Variants in RIT2 observed in about 807,000 individuals in gnomAD.
The protein encoded by RIT2 is Ras like without CAAX 2.
In RIT2, 24 loss-of-function variants were observed where a neutral mutation model predicts 23.7. The observed-to-expected ratio is 1.01, with a 90% CI of 0.73 to 1.43. The LOEUF (loss-of-function observed/expected upper bound fraction) is 1.43. RIT2 is among the 40% of genes most tolerant of loss of function. RIT2 has a pLI of 0.00. For synonymous variants in RIT2, 107 were observed against 91.1 expected (o/e 1.17, Z -0.99); for missense variants, 236 against 266.9 (o/e 0.88, Z 0.81).
intron 4 of RIT2, among the ~76,000 whole-genome samples, chr18:42,840,005 T>A (rs1906719511): frequency 6.6e-6 from 1 of 152,252 alleles, no homozygotes; most frequent in African/African-American, 2.4e-5. Flanking sequence ...TTTTTGTGTC[T>A]GTTTTCAACT....
intron 4 of RIT2, among the ~76,000 whole-genome samples, chr18:42,757,459 T>C (rs1227547341): frequency 6.6e-6 from 1 of 152,162 alleles, no homozygotes; most frequent in East Asian, 1.9e-4. Flanking sequence ...AATCAACCTA[T>C]ATATCTTTTT....
At chr18:42,975,221 C>T (rs1171867479) in intron 2 of RIT2, among the ~76,000 whole-genome samples, 1 of 151,920 alleles carries the variant, frequency 6.6e-6, no homozygotes, top group Non-Finnish European at 1.5e-5. Context: ...GTGATGGTGA[C>T]ATAAAGAGAT....
chr18:43,079,207 T>C (rs543626271), intron 1 of RIT2, among the ~76,000 whole-genome samples: 1 of 152,294 alleles, frequency 6.6e-6, no homozygotes, highest in East Asian at 1.9e-4. Context: ...CAAACTAAAA[T>C]CACAAAGCTT....
chr18:42,886,473 G>C (rs1169589646), intron 4 of RIT2, among the ~76,000 whole-genome samples: 1 of 152,162 alleles, frequency 6.6e-6, no homozygotes, highest in Non-Finnish European at 1.5e-5. Context: ...TTCTGCTATG[G>C]AATAGAGAGA....
intron 1 of RIT2, among the ~76,000 whole-genome samples, chr18:43,050,588 T>C (rs4890422): frequency 0.11 from 16,208 of 152,070 alleles, 931 homozygotes; most frequent in Non-Finnish European, 0.12. Flanking sequence ...CAATGTTGGA[T>C]GTATTGGGCC....
chr18:42,966,359 T>A (rs1910224187), intron 3 of RIT2, among the ~76,000 whole-genome samples: 1 of 152,204 alleles, frequency 6.6e-6, no homozygotes, highest in Non-Finnish European at 1.5e-5. Context: ...CATTCTCTTT[T>A]TCGGCTATTT....
chr18:42,911,073 C>G (rs1908757314), intron 4 of RIT2, among the ~76,000 whole-genome samples: 1 of 151,974 alleles, frequency 6.6e-6, no homozygotes. Flanking sequence ...AAAAAAATCA[C>G]ACAGAGTATG....
chr18:42,860,631 C>T (rs1402350958), intron 4 of RIT2, among the ~76,000 whole-genome samples: 1 of 152,172 alleles, frequency 6.6e-6, no homozygotes, highest in Non-Finnish European at 1.5e-5. Flanking sequence ...AATACCCTCT[C>T]TAGGAGGAGT....
intron 1 of RIT2, among the ~76,000 whole-genome samples, chr18:43,051,462 G>C (rs1297956611): frequency 6.6e-6 from 1 of 152,042 alleles, no homozygotes; most frequent in African/African-American, 2.4e-5. Context: ...CATAGGAATA[G>C]TAACAGGTTG....
At chr18:42,933,823 T>C (rs1402081937) in intron 3 of RIT2, among the ~76,000 whole-genome samples, 1 of 151,656 alleles carries the variant, frequency 6.6e-6, no homozygotes, top group Non-Finnish European at 1.5e-5. Flanking sequence ...TTCGAGACCA[T>C]CCTGGCCAAC....
At chr18:43,024,719 C>G (rs1420143177) in intron 2 of RIT2, among the ~76,000 whole-genome samples, 2 of 151,268 alleles carry the variant, frequency 1.3e-5, no homozygotes, top group Non-Finnish European at 3.0e-5. Context: ...ACAACAACAA[C>G]AACAACAACA....
intron 4 of RIT2, among the ~76,000 whole-genome samples, chr18:42,856,974 AC>A (rs1201785357): frequency 6.6e-6 from 1 of 151,234 alleles, no homozygotes; most frequent in African/African-American, 2.4e-5. Context: ...GACCACAGGC[AC>A]CCGCCACCAC....
chr18:42,789,062 C>T (rs1323326476), intron 4 of RIT2, among the ~76,000 whole-genome samples: 2 of 152,104 alleles, frequency 1.3e-5, no homozygotes, highest in Non-Finnish European at 2.9e-5. Flanking sequence ...GAATCAAAGA[C>T]ATTCTTAAGT....
chr18:43,084,784 A>G (rs981594566), intron 1 of RIT2, among the ~76,000 whole-genome samples: 5 of 152,124 alleles, frequency 3.3e-5, no homozygotes, highest in African/African-American at 9.7e-5. Context: ...TAATGCATGC[A>G]GGGCTTAAAA....
At chr18:42,933,499 T>G (rs1314168543) in intron 3 of RIT2, among the ~76,000 whole-genome samples, 2 of 152,114 alleles carry the variant, frequency 1.3e-5, no homozygotes, top group Non-Finnish European at 2.9e-5. Context: ...GAGAGTTAAT[T>G]GAATCGTGGA....
chr18:42,763,401 G>T (rs959676266), intron 4 of RIT2, among the ~76,000 whole-genome samples: 1 of 151,292 alleles, frequency 6.6e-6, no homozygotes, highest in African/African-American at 2.4e-5. Context: ...GATGGAGCTT[G>T]CAGGGAGCCG....
At chr18:43,006,422 G>A (rs1363078956) in intron 2 of RIT2, among the ~76,000 whole-genome samples, 1 of 151,512 alleles carries the variant, frequency 6.6e-6, no homozygotes, top group Non-Finnish European at 1.5e-5. Flanking sequence ...CCAAACATTT[G>A]AGAATGTTAC....
intron 1 of RIT2, among the ~76,000 whole-genome samples, chr18:43,111,518 T>C (rs1271428050): frequency 6.6e-6 from 1 of 152,192 alleles, no homozygotes; most frequent in East Asian, 1.9e-4. Flanking sequence ...GATGTGATTA[T>C]TATACACTGT....
intron 2 of RIT2, among the ~76,000 whole-genome samples, chr18:43,022,879 T>A (rs1911628877): frequency 6.6e-6 from 1 of 152,116 alleles, no homozygotes. Flanking sequence ...TACTAGCATA[T>A]TTAAACAATA....
Sources: gnomAD v4.1 joint callset for allele counts (sites outside exome capture counted in the v4.1 genomes callset) on GRCh38, gnomAD v4.1.1 for gene constraint, MANE v1.5 for transcripts, NCBI Gene and HGNC (gene_info 2026-07-23, HGNC 2026-07-21) for gene names.